Variants in SKAP2 observed in about 807,000 individuals in gnomAD.
SKAP2 encodes src kinase-associated phosphoprotein 2.
In SKAP2, 28 loss-of-function variants were observed where a neutral mutation model predicts 54.9. The ratio of observed to expected loss-of-function variants is 0.51; its 90% CI spans 0.38 to 0.70. The LOEUF (loss-of-function observed/expected upper bound fraction) is 0.70. Ranked by LOEUF, SKAP2 falls within the 30% of genes least tolerant of loss-of-function variation. The pLI is 0.00. For missense variants in SKAP2, 356 were observed against 424.1 expected (o/e 0.84, Z 1.41); for synonymous variants, 137 against 134.3 (o/e 1.02, Z -0.14).
intron 6 of SKAP2, among the ~76,000 whole-genome samples, chr7:26,727,641 T>C (rs114282367): frequency 0.027 from 4,063 of 152,226 alleles, 178 homozygotes; most frequent in African/African-American, 0.092. Context: ...AAGTTTCTTA[T>C]CCAGTCAGTG....
intron 4 of SKAP2, among the ~76,000 whole-genome samples, chr7:26,835,506 C>CA (rs1472705690): frequency 6.6e-6 from 1 of 152,176 alleles, no homozygotes; most frequent in East Asian, 1.9e-4. Context: ...ACTCAGGATA[C>CA]AAAATCAATG....
At chr7:26,807,919 G>GT (rs1029734699) in intron 4 of SKAP2, among the ~76,000 whole-genome samples, 3 of 152,124 alleles carry the variant, frequency 2.0e-5, no homozygotes, top group Non-Finnish European at 4.4e-5. Flanking sequence ...TATGCACATT[G>GT]TTTTTTAGAC....
At chr7:26,692,065 A>G (rs1786795992) in intron 9 of SKAP2, among the ~76,000 whole-genome samples, 1 of 152,090 alleles carries the variant, frequency 6.6e-6, no homozygotes, top group South Asian at 2.1e-4. Context: ...AAGGGGCGGG[A>G]GAGAGACTAC....
intron 4 of SKAP2, among the ~76,000 whole-genome samples, chr7:26,775,360 T>A (rs1783282109): frequency 6.6e-6 from 1 of 152,200 alleles, no homozygotes. Context: ...TTTATTGAGA[T>A]ACTTTTAGAT....
intron 4 of SKAP2, among the ~76,000 whole-genome samples, chr7:26,791,175 G>A (rs1783667244): frequency 6.6e-6 from 1 of 152,108 alleles, no homozygotes; most frequent in African/African-American, 2.4e-5. Context: ...TTAGGAACAT[G>A]ACAAAAAGAA....
At chr7:26,826,475 G>C (rs1368995000) in intron 4 of SKAP2, among the ~76,000 whole-genome samples, 1 of 152,186 alleles carries the variant, frequency 6.6e-6, no homozygotes, top group African/African-American at 2.4e-5. Flanking sequence ...GCCAGTTTGA[G>C]TTGGGTTTCT....
intron 9 of SKAP2, among the ~76,000 whole-genome samples, chr7:26,702,276 A>G (rs576149064): frequency 1.5e-4 from 23 of 152,008 alleles, no homozygotes; most frequent in African/African-American, 5.1e-4. Flanking sequence ...CAAGTAGCTG[A>G]GACTGCAGGC....
chr7:26,655,394 AAAT>A, the SKAP2 span, among the ~76,000 whole-genome samples: 1 of 152,192 alleles, frequency 6.6e-6, no homozygotes, highest in Non-Finnish European at 1.5e-5. Flanking sequence ...AATGTCCCCT[AAAT>A]AATAATAAAC....
At chr7:26,830,010 G>A (rs1287293450) in intron 4 of SKAP2, among the ~76,000 whole-genome samples, 1 of 152,078 alleles carries the variant, frequency 6.6e-6, no homozygotes, top group Non-Finnish European at 1.5e-5. Context: ...ATCAATTGAG[G>A]ATGGATGAAC....
chr7:26,715,688 A>G (rs1013722632), intron 9 of SKAP2, among the ~76,000 whole-genome samples: 2 of 152,160 alleles, frequency 1.3e-5, no homozygotes, highest in Non-Finnish European at 2.9e-5. Flanking sequence ...CTAAGGCAGG[A>G]AAATCACTTG....
chr7:26,668,225 G>T lies in SKAP2; in HGVS notation c.*1441C>A, dbSNP rs1040682677. ...CTTTATAAAGCAAAGATATTGAAAA[G>T]TTCCATAAAGATAATACCTGATAGG... is the stretch of plus-strand genomic sequence containing the variant. On this transcript the variant is annotated 3_prime_UTR_variant, in exon 13 of 13. Coordinates refer to ENST00000345317, the MANE Select transcript of SKAP2 (RefSeq NM_003930.5). 6.6e-6 allele frequency: 1 copy of T among 152,058 alleles called. No homozygotes were observed. Among genetic ancestry groups the T allele is most frequent in the Admixed American group, 6.6e-5 (1 of 15,256 alleles). The allele number at this position is 152,058 out of a possible 1,614,324, so 9.4% of individuals were successfully genotyped here.
At chr7:26,833,171 G>A (rs1784631437) in intron 4 of SKAP2, among the ~76,000 whole-genome samples, 1 of 151,992 alleles carries the variant, frequency 6.6e-6, no homozygotes, top group Admixed American at 6.6e-5. Flanking sequence ...GAGGCGGGCG[G>A]ATCACAAGGT....
chr7:26,749,694 C>A (rs530286751), intron 4 of SKAP2, among the ~76,000 whole-genome samples: 18 of 151,280 alleles, frequency 1.2e-4, no homozygotes, highest in African/African-American at 4.4e-4. Context: ...TATGATAGTG[C>A]CACTGCACTC....
chr7:26,817,169 A>T (rs961063384), intron 4 of SKAP2, among the ~76,000 whole-genome samples: 2 of 152,160 alleles, frequency 1.3e-5, no homozygotes, highest in African/African-American at 2.4e-5. Flanking sequence ...ATCTTTATAT[A>T]TCTGGACTAA....
At chr7:26,841,685 A>C (rs184530779) in intron 4 of SKAP2, among the ~76,000 whole-genome samples, 96 of 152,202 alleles carry the variant, frequency 6.3e-4, no homozygotes, top group Non-Finnish European at 1.1e-3. Context: ...GAGAAAAATA[A>C]ATATTAAAGC....
intron 4 of SKAP2, among the ~76,000 whole-genome samples, chr7:26,767,742 C>T (rs191911617): frequency 7.9e-4 from 120 of 152,196 alleles, no homozygotes; most frequent in South Asian, 3.7e-3. Context: ...CAGGAGCAGG[C>T]TGTTCAGTTT....
chr7:26,757,577 C>A (rs1373813818), intron 4 of SKAP2, among the ~76,000 whole-genome samples: 3 of 152,096 alleles, frequency 2.0e-5, no homozygotes, highest in African/African-American at 7.2e-5. Flanking sequence ...GTTACTGTAG[C>A]CTTGTAGTAT....
chr7:26,758,557 C>T (rs1388005824), intron 4 of SKAP2, among the ~76,000 whole-genome samples: 1 of 152,098 alleles, frequency 6.6e-6, no homozygotes, highest in Non-Finnish European at 1.5e-5. Flanking sequence ...TGTGCTATTC[C>T]CTCACCTTTC....
At chr7:26,790,505 G>C (rs924973182) in intron 4 of SKAP2, among the ~76,000 whole-genome samples, 2 of 152,130 alleles carry the variant, frequency 1.3e-5, no homozygotes, top group Non-Finnish European at 2.9e-5. Context: ...GTTTTCAGAA[G>C]AAATACTAAC....
Sources: allele counts gnomAD v4.1 joint callset (sites outside exome capture counted in the v4.1 genomes callset), GRCh38; gene constraint gnomAD v4.1.1; transcripts MANE v1.5; gene names NCBI Gene and HGNC (gene_info 2026-07-23, HGNC 2026-07-21).